Variants in CDH11 observed in about 807,000 individuals in gnomAD.
CDH11 encodes cadherin 11.
In CDH11, 11 loss-of-function variants were observed where a neutral mutation model predicts 67.8. The observed-to-expected ratio is 0.16, with a 90% CI of 0.10 to 0.27. The LOEUF (loss-of-function observed/expected upper bound fraction) is 0.27. Ranked by LOEUF, CDH11 falls within the 10% of genes least tolerant of loss-of-function variation. The pLI is 1.00. For synonymous variants in CDH11, 419 were observed against 400.0 expected (o/e 1.05, Z -0.57); for missense variants, 847 against 1,031.2 (o/e 0.82, Z 2.45).
chr16:65,069,391 TTCCTC>T (rs10549042), intron 1 of CDH11, among the ~76,000 whole-genome samples: 9,978 of 152,226 alleles, frequency 0.066, 557 homozygotes, highest in African/African-American at 0.16. Context: ...GGTGAATTCT[TTCCTC>T]TCTTCTTTAT....
chr16:64,976,565 A>C (rs1177736951), intron 8 of CDH11, among the ~76,000 whole-genome samples: 1 of 152,312 alleles, frequency 6.6e-6, no homozygotes, highest in South Asian at 2.1e-4. Flanking sequence ...TTAGATAAAA[A>C]GTTTGGAGGC....
At chr16:65,071,336 A>G (rs1427461115) in intron 1 of CDH11, among the ~76,000 whole-genome samples, 1 of 152,150 alleles carries the variant, frequency 6.6e-6, no homozygotes, top group East Asian at 1.9e-4. Flanking sequence ...ACGCACACAC[A>G]CAAACGCGTG....
In CDH11 at chr16:65,088,813, G is replaced by A. The variant is rs985179274; in HGVS notation, c.-298+33067C>T. Reference sequence around the variant, plus strand: ...AAGTAAGACAAAGGGCCTGATACATGTTTAGGTTCAAGACAAACTTTGCCA... The same window carrying A: ...AAGTAAGACAAAGGGCCTGATACATATTTAGGTTCAAGACAAACTTTGCCA... On this transcript the variant is annotated intron_variant, in intron 1 of 12. Coordinates refer to ENST00000268603, the MANE Select transcript of CDH11 (RefSeq NM_001797.4). Among the ~76,000 whole-genome samples the A allele has an allele frequency of 6.8e-4, 103 of 152,164 alleles. 2 individuals carry two copies. Among genetic ancestry groups the A allele is most frequent in the Non-Finnish European group, 5.0e-4 (34 of 68,038 alleles).
At chr16:65,041,819 C>T (rs899752655) in intron 2 of CDH11, among the ~76,000 whole-genome samples, 1 of 152,196 alleles carries the variant, frequency 6.6e-6, no homozygotes, top group Non-Finnish European at 1.5e-5. Context: ...TCAGGCAAGC[C>T]GGAGCAGGCC....
At chr16:65,107,036 G>C (rs1025743441) in intron 1 of CDH11, among the ~76,000 whole-genome samples, 2 of 151,916 alleles carry the variant, frequency 1.3e-5, no homozygotes, top group Non-Finnish European at 2.9e-5. Flanking sequence ...CCCATTTATG[G>C]AACTGGAAAG....
At chr16:65,059,373 G>A (rs551138135) in intron 1 of CDH11, among the ~76,000 whole-genome samples, 3 of 152,264 alleles carry the variant, frequency 2.0e-5, no homozygotes, top group East Asian at 3.9e-4. Context: ...CTCTTACTAC[G>A]ATTATCTTCA....
chr16:64,959,600 G>A (rs934578272), intron 11 of CDH11, among the ~76,000 whole-genome samples: 1 of 152,162 alleles, frequency 6.6e-6, no homozygotes, highest in Non-Finnish European at 1.5e-5. Context: ...TGTTCTGTGT[G>A]AGACAAACTG....
chr16:65,069,171 T>C (rs906908324), intron 1 of CDH11, among the ~76,000 whole-genome samples: 7 of 152,212 alleles, frequency 4.6e-5, no homozygotes, highest in Non-Finnish European at 7.3e-5. Context: ...ACAGAATACA[T>C]GCTGTGCATG....
intron 11 of CDH11, among the ~76,000 whole-genome samples, chr16:64,964,274 T>C (rs1260283835): frequency 3.3e-5 from 5 of 152,210 alleles, no homozygotes; most frequent in African/African-American, 7.2e-5. Flanking sequence ...CTACCCTATA[T>C]GGCACAGCCT....
chr16:65,060,812 T>TTC (rs2074227182), intron 1 of CDH11, among the ~76,000 whole-genome samples: 1 of 151,992 alleles, frequency 6.6e-6, no homozygotes, highest in Admixed American at 6.6e-5. Flanking sequence ...AAAAAAAACT[T>TTC]GACAATATTA....
At chr16:65,066,296 C>T (rs114369085) in intron 1 of CDH11, among the ~76,000 whole-genome samples, 1,945 of 152,308 alleles carry the variant, frequency 0.013, 46 homozygotes, top group African/African-American at 0.045. Context: ...ACTACACACA[C>T]GCACAAAGCT....
At chr16:64,995,735 A>C (rs190291560) in intron 4 of CDH11, among the ~76,000 whole-genome samples, 91 of 152,306 alleles carry the variant, frequency 6.0e-4, no homozygotes, top group African/African-American at 2.1e-3. Flanking sequence ...AAAAATAAAA[A>C]TTGACAAGCA....
intron 9 of CDH11, 54 bp downstream of exon 9, chr16:64,972,850 C>T: frequency 6.3e-7 from 1 of 1,586,190 alleles, no homozygotes; most frequent in Non-Finnish European, 8.6e-7. Flanking sequence ...AATATAGAGT[C>T]TGAAGCGATA....
intron 1 of CDH11, among the ~76,000 whole-genome samples, chr16:65,080,059 T>A (rs2074583076): frequency 6.6e-6 from 1 of 152,136 alleles, no homozygotes; most frequent in Non-Finnish European, 1.5e-5. Context: ...CTTACACTAT[T>A]TTTTTTCTAT....
chr16:65,009,102 T>C (rs766660533), intron 2 of CDH11, among the ~76,000 whole-genome samples: 5 of 152,216 alleles, frequency 3.3e-5, no homozygotes, highest in Admixed American at 6.5e-5. Context: ...TGAGGACTTG[T>C]ATTCCTACCC....
intron 7 of CDH11, 195 bp downstream of exon 7, chr16:64,987,962 T>G: frequency 4.4e-6 from 2 of 452,468 alleles, no homozygotes; most frequent in Non-Finnish European, 7.8e-6. Context: ...CCAGCCCCTT[T>G]GTCAGCTTCT....
intron 1 of CDH11, among the ~76,000 whole-genome samples, chr16:65,070,716 T>C (rs1331980479): frequency 6.6e-6 from 1 of 152,196 alleles, no homozygotes; most frequent in African/African-American, 2.4e-5. Context: ...ACACAGAAGG[T>C]GCTCAGTAAA....
chr16:65,122,182 G>A (rs1486244658), upstream of CDH11: 3 of 551,332 alleles, frequency 5.4e-6, no homozygotes, highest in African/African-American at 4.1e-5. Context: ...GGAAGGAAAG[G>A]GCGGGGGCTG....
intron 1 of CDH11, among the ~76,000 whole-genome samples, chr16:65,111,401 C>T (rs1311526172): frequency 1.3e-5 from 2 of 152,168 alleles, no homozygotes; most frequent in Non-Finnish European, 2.9e-5. Context: ...AGCCTGACTC[C>T]AGAGCCTGTG....
Sources: allele counts gnomAD v4.1 joint callset (sites outside exome capture counted in the v4.1 genomes callset), GRCh38; gene constraint gnomAD v4.1.1; transcripts MANE v1.5; gene names NCBI Gene and HGNC (gene_info 2026-07-23, HGNC 2026-07-21).